SYNDIG1L: variants seen among roughly 807,000 people sequenced by gnomAD.
The protein encoded by SYNDIG1L is synapse differentiation-inducing gene protein 1-like.
Under a neutral mutation model 20.1 loss-of-function variants are expected in SYNDIG1L, and 13 were observed. That is an observed-to-expected ratio of 0.65 (90% confidence interval 0.42 to 1.03). The LOEUF (loss-of-function observed/expected upper bound fraction) is 1.03, where lower values mean the gene tolerates loss of function less well. SYNDIG1L is among the 50% of genes least tolerant of loss of function. The pLI is 0.00. For missense variants in SYNDIG1L, 294 were observed against 305.1 expected, an observed-to-expected ratio of 0.96 and a Z score of 0.27; for synonymous variants, 128 against 129.3, an observed-to-expected ratio of 0.99 and a Z score of 0.07.
At chr14:74,447,795 C>T in the SYNDIG1L span, among the ~76,000 whole-genome samples, 32 of 151,660 alleles carry the variant, frequency 2.1e-4, no homozygotes, top group Admixed American at 7.2e-4. Context: ...AGAATACAAA[C>T]GTAATAAAGA....
At chr14:74,443,658 C>G in the SYNDIG1L span, among the ~76,000 whole-genome samples, 3 of 152,164 alleles carry the variant, frequency 2.0e-5, no homozygotes, top group Non-Finnish European at 2.9e-5. Flanking sequence ...ACCCAGGTAC[C>G]TGATGTAAGT....
At chr14:74,421,031 G>A (rs2086216923) in intron 1 of SYNDIG1L, among the ~76,000 whole-genome samples, 1 of 152,012 alleles carries the variant, frequency 6.6e-6, no homozygotes, top group Non-Finnish European at 1.5e-5. Context: ...GAAAATAAAA[G>A]AGAAGGATTA....
At chr14:74,427,983 G>A (rs528515686), upstream of SYNDIG1L, among the ~76,000 whole-genome samples, 2 of 152,328 alleles carry the variant, frequency 1.3e-5, no homozygotes, top group African/African-American at 4.8e-5. Context: ...TAATAAAAAA[G>A]CCAGTGAAGC....
At chr14:74,422,792 C>A (rs2086233927) in intron 1 of SYNDIG1L, among the ~76,000 whole-genome samples, 1 of 150,014 alleles carries the variant, frequency 6.7e-6, no homozygotes, top group Non-Finnish European at 1.5e-5. Flanking sequence ...TGGCTCACTG[C>A]AGCCTGCACC....
the SYNDIG1L span, among the ~76,000 whole-genome samples, chr14:74,431,730 A>T: frequency 1.4e-4 from 21 of 152,292 alleles, 1 homozygote; most frequent in African/African-American, 5.1e-4. Context: ...CAGAAAGAGA[A>T]ACAAGAGGAA....
Position 74,406,056 on chromosome 14 carries a change from G to A in SYNDIG1L, c.*1479C>T, listed in dbSNP as rs774119392. ...GGAGCCACAGCCCTGGGCTCTGGAT[G>A]GGGCATGGGAATGACCAGGTTCCCA... On this transcript the variant is annotated 3_prime_UTR_variant, in exon 4 of 4. Coordinates refer to ENST00000331628, the MANE Select transcript of SYNDIG1L (RefSeq NM_001105579.2). 1.5e-5 allele frequency: 6 copies of A among 398,558 alleles called. No homozygotes were observed. The highest frequency in any genetic ancestry group is 2.7e-5 in the Non-Finnish European group (6 of 226,124). 24.7% of individuals were successfully genotyped at this position (398,558 alleles called of 1,614,324 possible). A position where few individuals can be genotyped will look rare whatever the true frequency, so the allele number is the denominator to read the frequency against.
chr14:74,411,246 G>T (rs1429536481), intron 1 of SYNDIG1L, among the ~76,000 whole-genome samples: 4 of 152,220 alleles, frequency 2.6e-5, no homozygotes, highest in African/African-American at 9.6e-5. Context: ...TGGTAATAGG[G>T]ATTACCATCC....
In SYNDIG1L at chr14:74,407,926, G is replaced by A. The variant is rs764645246; in HGVS notation, c.481C>T (p.His161Tyr). 2 of 1,613,792 alleles carry A rather than the reference G, an allele frequency of 1.2e-6. No homozygotes were observed. The highest frequency in any genetic ancestry group is 1.7e-6 in the Non-Finnish European group (2 of 1,179,790). ...DNFLTLPPRD[H>Y]LGLTLFSMLC... ...ATGGAGAAGAGAGTAAGTCCCAGGT[G>A]GTCCCTGGGAGGCAGCGTGAGGAAG... is the stretch of plus-strand genomic sequence containing the variant. Residue 161 changes from histidine to tyrosine, a missense_variant, in exon 3 of 4, where the codon CAC becomes TAC. Physicochemically the swap from His to Tyr is moderately conservative, Grantham distance 83 (BLOSUM62 2). Transcript: ENST00000331628.
chr14:74,458,324 G>A, the SYNDIG1L span, among the ~76,000 whole-genome samples: 56 of 151,750 alleles, frequency 3.7e-4, no homozygotes, highest in African/African-American at 1.2e-3. Flanking sequence ...GGCTGGGTGC[G>A]GAGGCTCACA....
chr14:74,453,351 TCA>T, the SYNDIG1L span, among the ~76,000 whole-genome samples: 1 of 37,124 alleles, frequency 2.7e-5, no homozygotes, highest in African/African-American at 9.5e-5. Context: ...AGACTCTGTC[TCA>T]AAAAAAAAAA....
At chr14:74,466,765 A>G in the SYNDIG1L span, among the ~76,000 whole-genome samples, 13 of 152,174 alleles carry the variant, frequency 8.5e-5, no homozygotes, top group Admixed American at 5.2e-4. Context: ...TCCGGTGGCT[A>G]AAGAGTGTGA....
At chr14:74,478,266 T>C in the SYNDIG1L span, among the ~76,000 whole-genome samples, 4 of 152,282 alleles carry the variant, frequency 2.6e-5, no homozygotes, top group African/African-American at 9.6e-5. Flanking sequence ...GCTTTACACA[T>C]AAAAAGATTA....
intron 1 of SYNDIG1L, among the ~76,000 whole-genome samples, chr14:74,419,059 G>T (rs1286290510): frequency 1.3e-5 from 2 of 152,044 alleles, no homozygotes; most frequent in Admixed American, 6.6e-5. Context: ...CCCCCTTTCG[G>T]CTCATGTCCC....
At chr14:74,479,844 C>A in the SYNDIG1L span, 2 of 436,512 alleles carry the variant, frequency 4.6e-6, no homozygotes, top group South Asian at 3.1e-5. Context: ...AAAGTCATGT[C>A]TTCAGTGCAC....
the SYNDIG1L span, chr14:74,472,041 G>A: frequency 6.6e-6 from 1 of 152,280 alleles, no homozygotes; most frequent in African/African-American, 2.4e-5. Flanking sequence ...TTATAACACT[G>A]GAGCAGCAGG....
chr14:74,450,683 A>G, the SYNDIG1L span, among the ~76,000 whole-genome samples: 10 of 152,204 alleles, frequency 6.6e-5, no homozygotes, highest in Non-Finnish European at 1.5e-4. Flanking sequence ...CATTTATTGT[A>G]AAGACAATGA....
upstream of SYNDIG1L, among the ~76,000 whole-genome samples, chr14:74,430,038 G>A (rs2086291731): frequency 6.6e-6 from 1 of 152,184 alleles, no homozygotes. Context: ...CAGGAAAGAA[G>A]ATGAGGAGAG....
chr14:74,438,540 A>G, the SYNDIG1L span, among the ~76,000 whole-genome samples: 11 of 152,178 alleles, frequency 7.2e-5, no homozygotes, highest in African/African-American at 2.4e-4. Context: ...CCTCAGGTCA[A>G]ATTGCTAATA....
chr14:74,454,125 A>AT, the SYNDIG1L span, among the ~76,000 whole-genome samples: 2 of 152,290 alleles, frequency 1.3e-5, no homozygotes, highest in African/African-American at 2.4e-5. Context: ...CCAAATTCAG[A>AT]TTTTTCTGAC....
Sources: gnomAD v4.1 joint callset for allele counts (sites outside exome capture counted in the v4.1 genomes callset) on GRCh38, gnomAD v4.1.1 for gene constraint, MANE v1.5 for transcripts, NCBI Gene and HGNC (gene_info 2026-07-23, HGNC 2026-07-21) for gene names.